Variants in TMEM266 observed in about 807,000 individuals in gnomAD.
TMEM266 encodes the protein Hv1 related protein 1.
A neutral mutation model predicts 50.5 loss-of-function variants in TMEM266; 33 were observed. The observed-to-expected ratio is 0.65, with a 90% CI of 0.50 to 0.87. TMEM266 has a LOEUF of 0.87. Among genes scored for constraint, TMEM266 ranks in the 40% least tolerant of loss-of-function variants. The probability of loss-of-function intolerance (pLI) is 0.00; values close to 1 mark genes in which losing one functional copy is unlikely to be tolerated. For synonymous variants in TMEM266, 310 were observed against 292.3 expected, an observed-to-expected ratio of 1.06 and a Z score of -0.62; for missense variants, 655 against 695.1, an observed-to-expected ratio of 0.94 and a Z score of 0.65.
intron 1 of TMEM266, among the ~76,000 whole-genome samples, chr15:76,084,297 G>A (rs1050921568): frequency 1.3e-5 from 2 of 152,130 alleles, no homozygotes; most frequent in Non-Finnish European, 2.9e-5. Flanking sequence ...CTGGGCAAAC[G>A]AGCAAGACCC....
In TMEM266 at chr15:76,072,706, C is replaced by T. The variant is rs533990016; in HGVS notation, c.-97+12690C>T. Among the ~76,000 whole-genome samples the T allele has an allele frequency of 2.2e-3, 329 of 151,204 alleles. 2 individuals are homozygous for T. The highest frequency in any genetic ancestry group is 7.5e-3 in the African/African-American group (309 of 41,166). On this transcript the variant is annotated intron_variant, in intron 1 of 10. Transcript: ENST00000388942. ...AGGCTGGAGTGCAGTGGCATGATCT[C>T]GGCTTACTGCAAGCTCTGCCTCCCG...
At chr15:76,187,687 G>A (rs2038508544) in intron 8 of TMEM266, among the ~76,000 whole-genome samples, 1 of 152,218 alleles carries the variant, frequency 6.6e-6, no homozygotes, top group African/African-American at 2.4e-5. Context: ...TTAGGGCTGA[G>A]TCTGTGACCA....
chr15:76,157,209 C>T (rs1039240012), intron 4 of TMEM266, among the ~76,000 whole-genome samples: 1 of 152,044 alleles, frequency 6.6e-6, no homozygotes, highest in Admixed American at 6.6e-5. Flanking sequence ...TATTTTTATC[C>T]AGCTGTGAGT....
chr15:76,167,297 C>T (rs755965207), intron 5 of TMEM266, among the ~76,000 whole-genome samples: 2 of 151,690 alleles, frequency 1.3e-5, no homozygotes, highest in Admixed American at 1.3e-4. Flanking sequence ...GGTGAAACCC[C>T]GTCTCTACTA....
chr15:76,200,715 C>A (rs1464511049), intron 9 of TMEM266, among the ~76,000 whole-genome samples: 1 of 152,170 alleles, frequency 6.6e-6, no homozygotes, highest in Non-Finnish European at 1.5e-5. Flanking sequence ...CCTGGCTTCC[C>A]AGGGCAGCAG....
chr15:76,066,515 C>A (rs932946182), intron 1 of TMEM266, among the ~76,000 whole-genome samples: 2 of 152,194 alleles, frequency 1.3e-5, no homozygotes, highest in South Asian at 4.2e-4. Context: ...AATCTATCAA[C>A]CCTTCAGACC....
intron 8 of TMEM266, 64 bp downstream of exon 8, chr15:76,175,738 C>A: frequency 1.5e-6 from 2 of 1,353,034 alleles, no homozygotes; most frequent in Non-Finnish European, 2.1e-6. Context: ...GTGCCTAAAG[C>A]CATGGGTTGC....
chr15:76,145,855 G>C (rs2037747089), intron 3 of TMEM266, among the ~76,000 whole-genome samples: 1 of 152,216 alleles, frequency 6.6e-6, no homozygotes, highest in South Asian at 2.1e-4. Context: ...GGACAGTGCT[G>C]GGGCTTTGTG....
At chr15:76,149,792 G>A (rs1325986575) in intron 3 of TMEM266, among the ~76,000 whole-genome samples, 9 of 152,212 alleles carry the variant, frequency 5.9e-5, no homozygotes, top group Admixed American at 5.9e-4. Flanking sequence ...GTTAACATTT[G>A]TAAAGTGCTC....
intron 1 of TMEM266, among the ~76,000 whole-genome samples, chr15:76,120,856 T>G (rs1454132965): frequency 6.6e-6 from 1 of 150,574 alleles, no homozygotes; most frequent in Non-Finnish European, 1.5e-5. Context: ...GAGTACAACA[T>G]GAGGCAGGTA....
intron 8 of TMEM266, 187 bp downstream of exon 8, chr15:76,175,861 C>T: frequency 1.8e-6 from 1 of 541,846 alleles, no homozygotes; most frequent in African/African-American, 1.9e-5. Context: ...GATGTATAGC[C>T]CAGCCAGGCA....
At chr15:76,156,528 C>G in intron 3 of TMEM266, 76 bp from the exon 4 acceptor site, 1 of 1,506,340 alleles carries the variant, frequency 6.6e-7, no homozygotes, top group Non-Finnish European at 9.1e-7. Flanking sequence ...GGTTTGAGAG[C>G]AGGGCTTTGG....
rs534699687 is a variant in TMEM266 at position 76,160,781 on chromosome 15, G to C, written c.456+613G>C. Among the ~76,000 whole-genome samples, 6 of 152,342 alleles carry C rather than the reference G, an allele frequency of 3.9e-5. No individual in the cohort carries two copies. In the South Asian group the frequency reaches 1.2e-3, roughly 32 times the overall value. ...ACGGATCGCCGTCAGCGTTGCTGGA[G>C]TCGGCTAGTAGAGACCAAGTGCGAA... On this transcript the variant is annotated intron_variant, in intron 5 of 10. Transcript: ENST00000388942. This position sits in a 1 kb window ranked among gnomAD's most constrained non-coding sequence, Gnocchi z 5.7.
intron 5 of TMEM266, among the ~76,000 whole-genome samples, chr15:76,169,233 C>T (rs1341967877): frequency 6.6e-6 from 1 of 152,060 alleles, no homozygotes; most frequent in African/African-American, 2.4e-5. Context: ...AATGTAGTCA[C>T]AAGGCCACTC....
At chr15:76,199,764 C>CCCTCCCT (rs967779992) in intron 9 of TMEM266, among the ~76,000 whole-genome samples, 1 of 145,368 alleles carries the variant, frequency 6.9e-6, no homozygotes, top group Non-Finnish European at 1.5e-5. Context: ...AAACACTAGT[C>CCCTCCCT]CCTCCCTCCC....
intron 3 of TMEM266, among the ~76,000 whole-genome samples, chr15:76,154,351 A>G (rs934632406): frequency 1.1e-4 from 16 of 152,074 alleles, no homozygotes; most frequent in African/African-American, 3.4e-4. Flanking sequence ...TTTCCTCTGT[A>G]GCCCCTTGCT....
intron 1 of TMEM266, among the ~76,000 whole-genome samples, chr15:76,106,073 G>A (rs545891012): frequency 8.3e-4 from 127 of 152,240 alleles, no homozygotes; most frequent in Non-Finnish European, 1.5e-3. Flanking sequence ...CCAGTTTAGC[G>A]GGATCAGGCT....
intron 1 of TMEM266, among the ~76,000 whole-genome samples, chr15:76,080,192 C>T (rs1320912893): frequency 6.7e-6 from 1 of 148,454 alleles, no homozygotes; most frequent in African/African-American, 2.5e-5. Flanking sequence ...TGTGGTGAAA[C>T]CCCGTCTCTA....
intron 1 of TMEM266, among the ~76,000 whole-genome samples, chr15:76,131,548 T>G (rs1199387836): frequency 6.6e-6 from 1 of 152,234 alleles, no homozygotes; most frequent in African/African-American, 2.4e-5. Context: ...TTTATTAACT[T>G]GAGGTTTTAT....
Sources: allele counts gnomAD v4.1 joint callset (sites outside exome capture counted in the v4.1 genomes callset), GRCh38; gene constraint gnomAD v4.1.1; non-coding constraint Gnocchi (gnomAD v3.1); transcripts MANE v1.5; gene names NCBI Gene and HGNC (gene_info 2026-07-23, HGNC 2026-07-21).